FAM178B: variants seen among roughly 807,000 people sequenced by gnomAD.
The protein encoded by FAM178B is protein FAM178B.
A neutral mutation model predicts 91.7 loss-of-function variants in FAM178B; 82 were observed. That is an observed-to-expected ratio of 0.89 (90% CI 0.75 to 1.07). FAM178B has a LOEUF of 1.07. Ranked by LOEUF, FAM178B falls within the 50% of genes least tolerant of loss-of-function variation. The pLI, the probability that FAM178B is intolerant of heterozygous loss-of-function variation, is 0.00. For missense variants in FAM178B, 769 were observed against 846.7 expected, an observed-to-expected ratio of 0.91 and a Z score of 1.14; for synonymous variants, 368 against 359.4, an observed-to-expected ratio of 1.02 and a Z score of -0.27.
At chr2:96,934,061 T>A (rs557876999) in intron 8 of FAM178B, among the ~76,000 whole-genome samples, 3 of 152,338 alleles carry the variant, frequency 2.0e-5, no homozygotes, top group African/African-American at 7.2e-5. Context: ...GTGCATTCAC[T>A]CAGCAAATGG....
At chr2:96,931,716 C>T (rs547965079) in intron 8 of FAM178B, among the ~76,000 whole-genome samples, 8 of 152,116 alleles carry the variant, frequency 5.3e-5, no homozygotes, top group Non-Finnish European at 1.0e-4. Context: ...GGCAGGATGG[C>T]GGGCAGAGGG....
intron 1 of FAM178B, among the ~76,000 whole-genome samples, chr2:96,975,490 G>A (rs2082277294): frequency 1.3e-5 from 2 of 152,152 alleles, no homozygotes; most frequent in Non-Finnish European, 2.9e-5. Flanking sequence ...TTTAACACAT[G>A]CCTATAATTC....
intron 8 of FAM178B, among the ~76,000 whole-genome samples, chr2:96,936,713 G>A (rs1477402092): frequency 6.6e-6 from 1 of 151,734 alleles, no homozygotes; most frequent in East Asian, 1.9e-4. Flanking sequence ...GTTTTGCCAT[G>A]TTGGCCAGGC....
chr2:96,972,315 C>G lies in FAM178B; in HGVS notation c.150G>C (p.Gln50His). The G allele has an allele frequency of 6.8e-7, 1 of 1,466,238 alleles. No individual in the cohort carries two copies. The highest frequency in any genetic ancestry group is 1.4e-5 in the South Asian group (1 of 70,470). The allele number at this position is 1,466,238 out of a possible 1,614,324, so 90.8% of individuals were successfully genotyped here. A position where few individuals can be genotyped will look rare whatever the true frequency, so the allele number is the denominator to read the frequency against. ...VLALPLREGV[Q>H]AAATVPILLY... ...GGAGGATGGGCACGGTGGCGGCAGC[C>G]TGCACCCCTGCAGACAGGACAGAAT... The change falls in exon 3 of 17, where the codon CAG becomes CAC. Residue 50 changes from glutamine (Q) to histidine (H), a missense_variant. Physicochemically the swap from Gln to His is conservative, Grantham distance 24. Transcript: ENST00000490605.
chr2:96,947,190 T>C (rs1379550715), intron 8 of FAM178B, among the ~76,000 whole-genome samples: 1 of 152,008 alleles, frequency 6.6e-6, no homozygotes, highest in Admixed American at 6.6e-5. Context: ...CTAGGGAGGG[T>C]GCAGCCACTA....
intron 14 of FAM178B, 102 bp downstream of exon 14, chr2:96,893,824 G>A: frequency 7.1e-7 from 1 of 1,404,832 alleles, no homozygotes; most frequent in East Asian, 2.6e-5. Context: ...TGGGGTTCTG[G>A]AAGGACCCGC....
At chr2:96,880,665 G>A (rs977441310) in intron 14 of FAM178B, among the ~76,000 whole-genome samples, 22 of 151,832 alleles carry the variant, frequency 1.4e-4, no homozygotes, top group Admixed American at 4.6e-4. Flanking sequence ...CGCAATCTCC[G>A]CTCACTGCAA....
At chr2:96,933,739 T>C (rs1362491161) in intron 8 of FAM178B, among the ~76,000 whole-genome samples, 1 of 152,136 alleles carries the variant, frequency 6.6e-6, no homozygotes, top group Non-Finnish European at 1.5e-5. Context: ...AGCAGCACCA[T>C]CTGCCTGAGT....
chr2:96,948,470 C>T lies in FAM178B; in HGVS notation c.994-568G>A, dbSNP rs190518948. Reference sequence around the variant, plus strand: ...TTTCTGGGATCCTTATCTGAATGCTCCTGGAGCCTGACAGTCAGAAGCTGG... The same window carrying T: ...TTTCTGGGATCCTTATCTGAATGCTTCTGGAGCCTGACAGTCAGAAGCTGG... On this transcript the variant is annotated intron_variant, in intron 7 of 16. Transcript: ENST00000490605. Among the ~76,000 whole-genome samples, 37 of 152,338 alleles carry T rather than the reference C, an allele frequency of 2.4e-4. 2 individuals are homozygous for T. The East Asian group carries it at 6.7e-3, about 28-fold the overall frequency.
At chr2:96,971,050 GC>G in intron 3 of FAM178B, among the ~76,000 whole-genome samples, 1 of 151,812 alleles carries the variant, frequency 6.6e-6, no homozygotes, top group South Asian at 2.1e-4. Flanking sequence ...CACAGAGACA[GC>G]AAACAACACC....
chr2:96,886,776 T>G (rs1186047982), intron 14 of FAM178B, among the ~76,000 whole-genome samples: 4 of 152,216 alleles, frequency 2.6e-5, no homozygotes, highest in Non-Finnish European at 5.9e-5. Context: ...CCTTCCCCAC[T>G]GTGCTTGGCC....
chr2:96,898,343 G>A (rs2080861833), intron 13 of FAM178B, among the ~76,000 whole-genome samples: 4 of 152,190 alleles, frequency 2.6e-5, no homozygotes, highest in Non-Finnish European at 5.9e-5. Flanking sequence ...CCCTGCAGTG[G>A]TCAAGGGCAG....
chr2:96,902,584 ATGGCCTTCC>A, intron 13 of FAM178B, 27 bp downstream of exon 13: 3 of 1,444,072 alleles, frequency 2.1e-6, no homozygotes, highest in Non-Finnish European at 2.9e-6. Context: ...CCCGCAGGCC[ATGGCCTTCC>A]TGCCCAGGCC....
intron 8 of FAM178B, among the ~76,000 whole-genome samples, chr2:96,944,578 A>C (rs1161522269): frequency 6.6e-6 from 1 of 152,218 alleles, no homozygotes; most frequent in Admixed American, 6.5e-5. Flanking sequence ...GAGAGGAAGT[A>C]GTGAGAAGAC....
At chr2:96,985,034 C>T (rs1283582955) in intron 1 of FAM178B, among the ~76,000 whole-genome samples, 1 of 152,126 alleles carries the variant, frequency 6.6e-6, no homozygotes, top group African/African-American at 2.4e-5. Flanking sequence ...GGGACCCAGC[C>T]CAACTTCAGA....
chr2:96,949,784 C>T (rs897542309), intron 7 of FAM178B, among the ~76,000 whole-genome samples: 1 of 152,210 alleles, frequency 6.6e-6, no homozygotes, highest in Non-Finnish European at 1.5e-5. Flanking sequence ...GCACTAACAG[C>T]GTGCCTCACA....
At chr2:96,977,212 A>AAAAAAAAAAAAAAAAAC (rs2082301284) in intron 1 of FAM178B, among the ~76,000 whole-genome samples, 1 of 147,260 alleles carries the variant, frequency 6.8e-6, no homozygotes, top group Admixed American at 6.8e-5. Flanking sequence ...AAAAAAAAAA[A>AAAAAAAAAAAAAAAAAC]AAAAAGTAAA....
chr2:96,931,757 G>A (rs1310134529), intron 8 of FAM178B, among the ~76,000 whole-genome samples: 1 of 152,082 alleles, frequency 6.6e-6, no homozygotes, highest in Non-Finnish European at 1.5e-5. Flanking sequence ...ACATTTCTTC[G>A]GCAGGCATCG....
At position 96,877,995 on chromosome 2, in the gene FAM178B, C is replaced by T. The variant is rs145363262; in HGVS notation, c.1902G>A (p.Thr634=). ...TGGCCTGGGGGCTCTCCCGGATCTGCGTGCTGATGTGGCGGTCCAACTGCA... is the reference window on the plus strand; with the variant it reads ...TGGCCTGGGGGCTCTCCCGGATCTGTGTGCTGATGTGGCGGTCCAACTGCA... The part of the protein sequence containing the change: ...LCMQLDRHIS[T]QIRESPQAMH... The change falls in exon 16 of 17, where the codon ACG becomes ACA. Residue 634 remains threonine, a synonymous_variant. Transcript: ENST00000490605. 1.4e-5 allele frequency: 23 copies of T among 1,612,936 alleles called. No individual in the cohort carries two copies. Among genetic ancestry groups the T allele is most frequent in the Non-Finnish European group, 1.7e-5 (20 of 1,180,028 alleles).
Sources: allele counts gnomAD v4.1 joint callset (sites outside exome capture counted in the v4.1 genomes callset), GRCh38; gene constraint gnomAD v4.1.1; transcripts MANE v1.5; gene names NCBI Gene and HGNC (gene_info 2026-07-23, HGNC 2026-07-21).